Variants in MYO1D observed in about 807,000 individuals in gnomAD.
The protein encoded by MYO1D is unconventional myosin-Id.
A neutral mutation model predicts 122.0 loss-of-function variants in MYO1D; 83 were observed. The observed-to-expected ratio is 0.68, with a 90% CI of 0.57 to 0.82. MYO1D has a LOEUF of 0.82. MYO1D is among the 40% of genes least tolerant of loss of function. The pLI, the probability that MYO1D is intolerant of heterozygous loss-of-function variation, is 0.00. For synonymous variants in MYO1D, 464 were observed against 446.9 expected (o/e 1.04, Z -0.48); for missense variants, 1,157 against 1,269.5 (o/e 0.91, Z 1.35).
intron 21 of MYO1D, among the ~76,000 whole-genome samples, chr17:32,581,574 GCTCT>G (rs900187245): frequency 7.6e-6 from 1 of 131,574 alleles, no homozygotes; most frequent in Non-Finnish European, 1.6e-5. Context: ...TGCCCCTCTC[GCTCT>G]CTTTTTTTTT....
chr17:32,833,320 C>A (rs1418812958), intron 1 of MYO1D, among the ~76,000 whole-genome samples: 1 of 152,182 alleles, frequency 6.6e-6, no homozygotes, highest in Admixed American at 6.5e-5. Context: ...TATCGAGAAT[C>A]CATCTATCTT....
At chr17:32,582,036 A>G (rs1013158227) in intron 21 of MYO1D, among the ~76,000 whole-genome samples, 3 of 152,032 alleles carry the variant, frequency 2.0e-5, no homozygotes, top group African/African-American at 7.2e-5. Context: ...GCCTCCTCCC[A>G]AAGTGCTGGG....
At position 32,760,305 on chromosome 17, in the gene MYO1D, C is replaced by A; in HGVS notation, c.1281G>T (p.Gly427=). The A allele has an allele frequency of 6.2e-7, 1 of 1,609,746 alleles. No individual in the cohort carries two copies. Among genetic ancestry groups the A allele is most frequent in the Non-Finnish European group, 8.5e-7 (1 of 1,176,804 alleles). The change falls in exon 10 of 22, where the codon GGG becomes GGT. Residue 427 remains glycine, a synonymous_variant. Coordinates refer to ENST00000318217, the MANE Select transcript of MYO1D (RefSeq NM_015194.3). ...KQEQEEYQRE[G]IPWKHIDYFN... is the part of the protein sequence containing the mutation. ...GTCCACTCACATGTTTCCAGGGGATCCCTTCCCGCTGGTATTCCTCTTGTT... is the reference window on the plus strand; with the variant it reads ...GTCCACTCACATGTTTCCAGGGGATACCTTCCCGCTGGTATTCCTCTTGTT...
At chr17:32,595,254 T>C (rs1383638907) in intron 21 of MYO1D, among the ~76,000 whole-genome samples, 1 of 152,186 alleles carries the variant, frequency 6.6e-6, no homozygotes, top group South Asian at 2.1e-4. Context: ...TAGAACCCTA[T>C]TCTGTAATCT....
intron 21 of MYO1D, among the ~76,000 whole-genome samples, chr17:32,599,776 C>A (rs1172959820): frequency 6.6e-6 from 1 of 152,162 alleles, no homozygotes; most frequent in Non-Finnish European, 1.5e-5. Context: ...TCTCAGCATC[C>A]CAAGTAGCTG....
chr17:32,581,887 C>T (rs2087344628), intron 21 of MYO1D, among the ~76,000 whole-genome samples: 1 of 152,068 alleles, frequency 6.6e-6, no homozygotes, highest in African/African-American at 2.4e-5. Context: ...GCCTCAGCCT[C>T]CTGAGTAGTT....
chr17:32,772,564 T>C (rs1057264918), intron 5 of MYO1D, among the ~76,000 whole-genome samples: 5 of 152,232 alleles, frequency 3.3e-5, no homozygotes, highest in Non-Finnish European at 7.3e-5. Context: ...GGCAGTCATC[T>C]GGTTGGCTAA....
intron 1 of MYO1D, among the ~76,000 whole-genome samples, chr17:32,860,658 A>G (rs1212363175): frequency 6.6e-6 from 1 of 152,220 alleles, no homozygotes; most frequent in East Asian, 1.9e-4. Flanking sequence ...TTGCTACTTG[A>G]TTGCAAAGCA....
At chr17:32,865,983 G>C (rs913538929) in intron 1 of MYO1D, among the ~76,000 whole-genome samples, 1 of 152,196 alleles carries the variant, frequency 6.6e-6, no homozygotes, top group Non-Finnish European at 1.5e-5. Flanking sequence ...ACCATGATTA[G>C]AGTCATAGTC....
intron 20 of MYO1D, among the ~76,000 whole-genome samples, chr17:32,615,680 C>T (rs1488778590): frequency 6.6e-6 from 1 of 152,146 alleles, no homozygotes; most frequent in African/African-American, 2.4e-5. Context: ...ATTGTAAAAT[C>T]CTTTGTTAAA....
intron 11 of MYO1D, among the ~76,000 whole-genome samples, chr17:32,750,711 G>A (rs571862031): frequency 3.2e-4 from 49 of 152,260 alleles, no homozygotes; most frequent in East Asian, 3.1e-3. Flanking sequence ...CAACCTGAAA[G>A]GTGTATTCTA....
chr17:32,620,015 G>A (rs1042742831), intron 20 of MYO1D, among the ~76,000 whole-genome samples: 7 of 152,180 alleles, frequency 4.6e-5, no homozygotes, highest in African/African-American at 1.7e-4. Context: ...CTAAAAGTGG[G>A]CCAGGAGCAG....
chr17:32,661,856 GATATGT>G (rs1284805828), intron 16 of MYO1D, among the ~76,000 whole-genome samples: 1 of 151,938 alleles, frequency 6.6e-6, no homozygotes, highest in Non-Finnish European at 1.5e-5. Context: ...ATTTACATAT[GATATGT>G]ATATGTTATA....
chr17:32,627,640 G>A (rs574333431), intron 20 of MYO1D: 2 of 152,110 alleles, frequency 1.3e-5, no homozygotes, highest in Non-Finnish European at 2.9e-5. Context: ...AACGAAAGGA[G>A]GTATTTGTGC....
chr17:32,543,871 C>T (rs182419911), intron 21 of MYO1D, among the ~76,000 whole-genome samples: 1 of 152,270 alleles, frequency 6.6e-6, no homozygotes, highest in Non-Finnish European at 1.5e-5. Context: ...CTGCTCACTG[C>T]AACCTCCGCC....
chr17:32,652,485 C>CT (rs2088405852), intron 19 of MYO1D, among the ~76,000 whole-genome samples: 1 of 151,966 alleles, frequency 6.6e-6, no homozygotes, highest in African/African-American at 2.4e-5. Flanking sequence ...ATGTTACTGT[C>CT]TCTTCTTGGA....
In MYO1D at chr17:32,875,391, G is replaced by C. The variant is rs576178178; in HGVS notation, c.95+1387C>G. Among the ~76,000 whole-genome samples the C allele has an allele frequency of 9.2e-5, 14 of 152,254 alleles. No individual in the cohort carries two copies. In the South Asian group the frequency reaches 2.9e-3, roughly 32 times the overall value. On this transcript the variant is annotated intron_variant, in intron 1 of 21. Coordinates refer to ENST00000318217, the MANE Select transcript of MYO1D (RefSeq NM_015194.3). ...TGCCAGGCACTAATCTTTGAAGTAT[G>C]TATACACATATTATTAATAATTCAT...
chr17:32,863,526 C>T (rs2091095646), intron 1 of MYO1D, among the ~76,000 whole-genome samples: 1 of 152,186 alleles, frequency 6.6e-6, no homozygotes, highest in Admixed American at 6.5e-5. Context: ...CACGGGGAGG[C>T]ACACAGAAAG....
At chr17:32,650,483 T>C (rs1402021348) in intron 19 of MYO1D, among the ~76,000 whole-genome samples, 2 of 152,190 alleles carry the variant, frequency 1.3e-5, no homozygotes, top group African/African-American at 2.4e-5. Context: ...AAAAATATTA[T>C]TTATTTCTCT....
Sources: gnomAD v4.1 joint callset for allele counts (sites outside exome capture counted in the v4.1 genomes callset) on GRCh38, gnomAD v4.1.1 for gene constraint, MANE v1.5 for transcripts, NCBI Gene and HGNC (gene_info 2026-07-23, HGNC 2026-07-21) for gene names.